The following SNTG1 variants were observed in gnomAD, a reference collection of about 807,000 sequenced individuals.
SNTG1 encodes the protein gamma-1-syntrophin.
A neutral mutation model predicts 74.7 loss-of-function variants in SNTG1; 39 were observed. That is an observed-to-expected ratio of 0.52 (90% confidence interval 0.40 to 0.68). The LOEUF is 0.68. SNTG1 is among the 30% of genes least tolerant of loss of function. SNTG1 has a pLI of 0.00. For missense variants in SNTG1, 685 were observed against 609.5 expected (o/e 1.12, Z -1.30); for synonymous variants, 254 against 217.1 (o/e 1.17, Z -1.49).
chr8:50,761,603 A>T (rs532645215), intron 18 of SNTG1, among the ~76,000 whole-genome samples: 3,849 of 148,300 alleles, frequency 0.026, 167 homozygotes, highest in African/African-American at 0.09. Context: ...TGCCTGAGCT[A>T]TTTTTTTTTT....
intron 2 of SNTG1, among the ~76,000 whole-genome samples, chr8:50,338,806 C>G (rs2130923234): frequency 6.6e-6 from 1 of 152,000 alleles, no homozygotes; most frequent in South Asian, 2.1e-4. Context: ...AAAGGGGTAA[C>G]TTATGTGTAA....
At chr8:50,665,763 G>A (rs113228243) in intron 15 of SNTG1, among the ~76,000 whole-genome samples, 2,102 of 152,146 alleles carry the variant, frequency 0.014, 25 homozygotes, top group Middle Eastern at 0.041. Context: ...ATAAATGTTA[G>A]CAATGGATTA....
At chr8:50,156,544 T>C (rs2082260680) in intron 1 of SNTG1, among the ~76,000 whole-genome samples, 1 of 152,102 alleles carries the variant, frequency 6.6e-6, no homozygotes, top group Non-Finnish European at 1.5e-5. Context: ...TGTATGTATA[T>C]ATAGTTATAT....
intron 2 of SNTG1, among the ~76,000 whole-genome samples, chr8:50,204,387 A>C (rs923039133): frequency 1.3e-5 from 2 of 152,108 alleles, no homozygotes; most frequent in East Asian, 3.9e-4. Flanking sequence ...TATCTTGATC[A>C]TGATTTTCTG....
intron 5 of SNTG1, 62 bp downstream of exon 5, chr8:50,438,661 A>C: frequency 7.3e-7 from 1 of 1,369,316 alleles, no homozygotes; most frequent in East Asian, 2.3e-5. Context: ...ACTTTGGTGC[A>C]TTTCAATGTT....
chr8:50,326,942 T>C (rs2090773419), intron 2 of SNTG1, among the ~76,000 whole-genome samples: 1 of 152,152 alleles, frequency 6.6e-6, no homozygotes, highest in South Asian at 2.1e-4. Context: ...ATCTTTCTTT[T>C]TTGAGCCATG....
At chr8:50,624,768 A>T (rs1228606468) in intron 13 of SNTG1, among the ~76,000 whole-genome samples, 6 of 152,142 alleles carry the variant, frequency 3.9e-5, no homozygotes, top group Non-Finnish European at 8.8e-5. Flanking sequence ...TTTGTAGGTT[A>T]GTTTTTTCTA....
At chr8:50,449,325 A>C (rs2093434219) in intron 5 of SNTG1, among the ~76,000 whole-genome samples, 1 of 152,228 alleles carries the variant, frequency 6.6e-6, no homozygotes, top group Non-Finnish European at 1.5e-5. Context: ...TAGCAGGATA[A>C]CAGTAATATA....
intron 5 of SNTG1, among the ~76,000 whole-genome samples, chr8:50,448,369 T>G (rs932608670): frequency 1.3e-5 from 2 of 152,172 alleles, no homozygotes; most frequent in African/African-American, 4.8e-5. Flanking sequence ...ATTTTATATT[T>G]AAGTATACTG....
chr8:50,715,992 C>A (rs1435016659), intron 17 of SNTG1, among the ~76,000 whole-genome samples: 1 of 152,004 alleles, frequency 6.6e-6, no homozygotes, highest in East Asian at 1.9e-4. Flanking sequence ...TTAATATGGC[C>A]CTTTTAATTT....
Position 50,784,443 on chromosome 8 carries a change from A to T in SNTG1, c.1396-8228A>T, listed in dbSNP as rs867646048. Among the ~76,000 whole-genome samples the T allele has an allele frequency of 7.2e-5, 11 of 152,346 alleles. No individual in the cohort carries two copies. The South Asian group carries it at 1.7e-3, about 23-fold the overall frequency. On this transcript the variant is annotated intron_variant, in intron 18 of 18. Transcript: ENST00000642720. ...AAGTCAAAAATTGTTTCAAGATACT[A>T]AAAAGGGCATTTTATAATGAAAAAT...
intron 1 of SNTG1, among the ~76,000 whole-genome samples, chr8:49,943,473 A>G (rs1196903927): frequency 6.6e-6 from 1 of 152,248 alleles, no homozygotes; most frequent in Non-Finnish European, 1.5e-5. Context: ...GAAACAGAAC[A>G]AAGAGGAACA....
intron 2 of SNTG1, among the ~76,000 whole-genome samples, chr8:50,280,127 T>G (rs749239135): frequency 3.9e-5 from 6 of 152,226 alleles, no homozygotes; most frequent in Non-Finnish European, 5.9e-5. Flanking sequence ...TACAGTCATA[T>G]TTTGGCTGGT....
At chr8:50,785,317 A>G (rs2095671668) in intron 18 of SNTG1, among the ~76,000 whole-genome samples, 1 of 151,948 alleles carries the variant, frequency 6.6e-6, no homozygotes, top group African/African-American at 2.4e-5. Context: ...AGCGAGAGAG[A>G]GAATATTCAA....
intron 1 of SNTG1, among the ~76,000 whole-genome samples, chr8:50,172,094 C>A (rs922632633): frequency 1.3e-5 from 2 of 152,066 alleles, no homozygotes; most frequent in Non-Finnish European, 2.9e-5. Context: ...GTCAGCCTGC[C>A]CCCCACCACC....
At chr8:50,054,639 C>T (rs769626742) in intron 1 of SNTG1, among the ~76,000 whole-genome samples, 4 of 151,968 alleles carry the variant, frequency 2.6e-5, no homozygotes, top group African/African-American at 4.8e-5. Context: ...ATCGAATAAC[C>T]TGCTCCTTGC....
chr8:49,918,269 T>C (rs1253943064), intron 1 of SNTG1, among the ~76,000 whole-genome samples: 1 of 152,092 alleles, frequency 6.6e-6, no homozygotes, highest in African/African-American at 2.4e-5. Context: ...TGGGGAAAAA[T>C]TAACTCATAG....
rs28715336 is a variant in SNTG1 at position 50,223,375 on chromosome 8, G to A, written c.-28+50740G>A. Among the ~76,000 whole-genome samples the A allele has an allele frequency of 8.1e-3, 1,233 of 151,594 alleles. 20 individuals are homozygous for A. The highest frequency in any genetic ancestry group is 0.029 in the African/African-American group (1,183 of 41,352). On this transcript the variant is annotated intron_variant, in intron 2 of 18. Coordinates refer to ENST00000642720, the MANE Select transcript of SNTG1 (RefSeq NM_018967.5). ...GTACAACTGATCTCCTAATAGAAAA[G>A]GAATATAAAAATATGCAATTTTAAT...
chr8:50,369,999 T>C (rs1272775102), intron 2 of SNTG1, among the ~76,000 whole-genome samples: 2 of 152,170 alleles, frequency 1.3e-5, no homozygotes, highest in Non-Finnish European at 2.9e-5. Context: ...GCCATAGAGA[T>C]ATGCAGAATA....
Sources: gnomAD v4.1 joint callset for allele counts (sites outside exome capture counted in the v4.1 genomes callset) on GRCh38, gnomAD v4.1.1 for gene constraint, MANE v1.5 for transcripts, NCBI Gene and HGNC (gene_info 2026-07-23, HGNC 2026-07-21) for gene names.